Variants in UBE2D3 observed in about 807,000 individuals in gnomAD.
UBE2D3 encodes ubiquitin conjugating enzyme E2 D3.
In UBE2D3, 2 loss-of-function variants were observed where a neutral mutation model predicts 22.8. The observed-to-expected ratio is 0.09, with a 90% confidence interval of 0.04 to 0.28. UBE2D3 has a LOEUF of 0.28. Ranked by LOEUF, UBE2D3 falls within the 10% of genes least tolerant of loss-of-function variation. UBE2D3 has a pLI of 1.00. For synonymous variants in UBE2D3, 56 were observed against 60.4 expected (o/e 0.93, Z 0.34); for missense variants, 27 against 182.5 (o/e 0.15, Z 4.91).
intron 4 of UBE2D3, 43 bp from the exon 5 acceptor site, chr4:102,802,681 T>C (rs1343427139): frequency 6.9e-7 from 1 of 1,439,554 alleles, no homozygotes; most frequent in Non-Finnish European, 9.6e-7. Flanking sequence ...TAAAATATTA[T>C]TGCTAAATAT....
chr4:102,809,022 T>TAA (rs3974641), intron 4 of UBE2D3: 22,653 of 152,282 alleles, frequency 0.15, 1,783 homozygotes, highest in African/African-American at 0.2. Flanking sequence ...CTTAGCAAGT[T>TAA]AAAAAAAAAA....
intron 1 of UBE2D3, among the ~76,000 whole-genome samples, chr4:102,833,646 T>C (rs1470203877): frequency 6.6e-6 from 1 of 152,236 alleles, no homozygotes; most frequent in Non-Finnish European, 1.5e-5. Context: ...TTGTGACTTT[T>C]GAGTCAAGAA....
In UBE2D3 at chr4:102,846,484, T is replaced by C. The variant is rs543330673; in HGVS notation, c.-128-19848A>G. Among the ~76,000 whole-genome samples the C allele has an allele frequency of 5.9e-5, 9 of 152,318 alleles. No homozygotes were observed. The East Asian group carries it at 1.7e-3, about 29-fold the overall frequency. ...ATTTGCCATGATCTAACCTTAAATG[T>C]ATTCTCATATATGCTGTCCAAGTTT... is the stretch of plus-strand genomic sequence containing the variant. On this transcript the variant is annotated intron_variant, in intron 1 of 7. Coordinates refer to the UBE2D3 transcript ENST00000338145.
chr4:102,805,060 T>G (rs1726815542), intron 4 of UBE2D3, among the ~76,000 whole-genome samples: 1 of 152,208 alleles, frequency 6.6e-6, no homozygotes, highest in African/African-American at 2.4e-5. Context: ...TAAAATCAAA[T>G]GCTGTCTATG....
chr4:102,838,807 CAAAA>C (rs145975514), intron 1 of UBE2D3, among the ~76,000 whole-genome samples: 14 of 54,324 alleles, frequency 2.6e-4, no homozygotes, highest in East Asian at 1.7e-3. Context: ...CTGTGCTGGG[CAAAA>C]AAAAAAAAAA....
At chr4:102,866,537 G>C (rs1429038133) in intron 1 of UBE2D3, among the ~76,000 whole-genome samples, 2 of 152,060 alleles carry the variant, frequency 1.3e-5, no homozygotes, top group African/African-American at 4.8e-5. Context: ...TTTGGCATTT[G>C]AGCATTTTAC....
intron 5 of UBE2D3, 39 bp from the exon 6 acceptor site, chr4:102,801,598 A>G: frequency 6.7e-7 from 1 of 1,483,532 alleles, no homozygotes; most frequent in Non-Finnish European, 9.2e-7. Flanking sequence ...TCAAATAAAA[A>G]CAAACATCTT....
chr4:102,857,326 C>T (rs1308956800), intron 1 of UBE2D3, among the ~76,000 whole-genome samples: 1 of 152,062 alleles, frequency 6.6e-6, no homozygotes, highest in African/African-American at 2.4e-5. Flanking sequence ...ATGGCCCAAA[C>T]ATAAAATAAT....
At chr4:102,843,084 T>A (rs776013930) in intron 1 of UBE2D3, among the ~76,000 whole-genome samples, 1 of 152,146 alleles carries the variant, frequency 6.6e-6, no homozygotes, top group Non-Finnish European at 1.5e-5. Context: ...CACTCCAGCG[T>A]GGGCAACAGA....
chr4:102,809,419 C>A, intron 4 of UBE2D3: 1 of 473,176 alleles, frequency 2.1e-6, no homozygotes, highest in Non-Finnish European at 3.9e-6. Context: ...AAAAACTGAA[C>A]TGAGATACAG....
chr4:102,851,826 C>G (rs1213027869), intron 1 of UBE2D3, among the ~76,000 whole-genome samples: 1 of 152,000 alleles, frequency 6.6e-6, no homozygotes, highest in East Asian at 1.9e-4. Flanking sequence ...GCCACCACAC[C>G]TGGCTAATTT....
intron 1 of UBE2D3, among the ~76,000 whole-genome samples, chr4:102,855,218 G>A (rs1732565304): frequency 6.6e-6 from 1 of 152,126 alleles, no homozygotes; most frequent in Non-Finnish European, 1.5e-5. Flanking sequence ...TGTGGGAAGG[G>A]ATAAAAACGA....
intron 2 of UBE2D3, among the ~76,000 whole-genome samples, chr4:102,823,107 G>A (rs977217252): frequency 2.0e-5 from 3 of 152,142 alleles, no homozygotes; most frequent in African/African-American, 7.2e-5. Flanking sequence ...TTGTCTTGAG[G>A]ATTAAATGAG....
intron 2 of UBE2D3, among the ~76,000 whole-genome samples, chr4:102,818,656 ATCTC>A (rs1424228266): frequency 2.0e-5 from 3 of 152,054 alleles, no homozygotes; most frequent in Non-Finnish European, 4.4e-5. Flanking sequence ...CACCAAAAAA[ATCTC>A]TCTAAAAGGC....
chr4:102,827,143 G>T (rs1730675214), intron 1 of UBE2D3: 1 of 986,854 alleles, frequency 1.0e-6, no homozygotes, highest in Non-Finnish European at 1.2e-6. Context: ...TGACGCCACC[G>T]TACACTCACT....
intron 1 of UBE2D3, among the ~76,000 whole-genome samples, chr4:102,863,075 G>A (rs1279086180): frequency 6.6e-6 from 1 of 151,716 alleles, no homozygotes; most frequent in Non-Finnish European, 1.5e-5. Flanking sequence ...TTTTGAGACA[G>A]AGTCTCACTC....
In UBE2D3 at chr4:102,809,997, G is replaced by A. The variant is rs1432756107; in HGVS notation, c.25-142C>T. ...TCACATAAATAATATATTCCATTAG[G>A]AGAGAGAACATGCCTGAACATATGC... On this transcript the variant is annotated intron_variant, in intron 2 of 7. Transcript: ENST00000453744. The A allele has an allele frequency of 3.8e-6, 3 of 793,104 alleles. No individual in the cohort carries two copies. The African/African-American group carries it at 5.2e-5, about 14-fold the overall frequency. The allele number at this position is 793,104 out of a possible 1,614,324, so 49.1% of individuals were successfully genotyped here.
chr4:102,860,527 G>A (rs1286257769), intron 1 of UBE2D3, among the ~76,000 whole-genome samples: 5 of 151,868 alleles, frequency 3.3e-5, no homozygotes, highest in South Asian at 2.1e-4. Flanking sequence ...AGGGAAAGAC[G>A]TTCACCAGTC....
chr4:102,819,865 C>A (rs146201733), intron 2 of UBE2D3, among the ~76,000 whole-genome samples: 38 of 152,320 alleles, frequency 2.5e-4, no homozygotes, highest in African/African-American at 9.1e-4. Flanking sequence ...AGGTTAATTT[C>A]TTGTATTCTA....
Sources: gnomAD v4.1 joint callset for allele counts (sites outside exome capture counted in the v4.1 genomes callset) on GRCh38, gnomAD v4.1.1 for gene constraint, MANE v1.5 for transcripts, NCBI Gene and HGNC (gene_info 2026-07-23, HGNC 2026-07-21) for gene names.